Variants in BABAM2 observed in about 807,000 individuals in gnomAD.
BABAM2 encodes the protein BRISC and BRCA1-A complex member 2.
A neutral mutation model predicts 54.7 loss-of-function variants in BABAM2; 31 were observed. That is an observed-to-expected ratio of 0.57 (90% CI 0.43 to 0.77). BABAM2 has a LOEUF of 0.77. Among genes scored for constraint, BABAM2 ranks in the 30% least tolerant of loss-of-function variants. The probability of loss-of-function intolerance (pLI) is 0.00; values close to 1 mark genes in which losing one functional copy is unlikely to be tolerated. For synonymous variants in BABAM2, 167 were observed against 162.9 expected, an observed-to-expected ratio of 1.03 and a Z score of -0.19; for missense variants, 364 against 455.8, an observed-to-expected ratio of 0.80 and a Z score of 1.83.
chr2:28,264,059 T>C (rs1336089195), intron 10 of BABAM2, among the ~76,000 whole-genome samples: 1 of 152,244 alleles, frequency 6.6e-6, no homozygotes, highest in East Asian at 1.9e-4. Flanking sequence ...ATTTTTGCTC[T>C]AAACCATTGT....
At chr2:27,961,170 GTGAGACAAAGGCTCAGTTTCAGCTT>G (rs142006099) in intron 3 of BABAM2, among the ~76,000 whole-genome samples, 2 of 152,262 alleles carry the variant, frequency 1.3e-5, no homozygotes, top group Non-Finnish European at 2.9e-5. Flanking sequence ...TCAGGCTTAT[GTGAGACAAAGGCTCAGTTTCAGCTT>G]TGAGATGTAG....
chr2:27,974,855 C>A (rs1174641918), intron 3 of BABAM2, among the ~76,000 whole-genome samples: 5 of 152,020 alleles, frequency 3.3e-5, no homozygotes, highest in East Asian at 3.9e-4. Context: ...AACGCATATT[C>A]AAAAAATCCT....
chr2:28,228,742 T>A (rs1340420863), intron 7 of BABAM2, among the ~76,000 whole-genome samples: 1 of 152,180 alleles, frequency 6.6e-6, no homozygotes, highest in Admixed American at 6.5e-5. Context: ...CAACTCTTAG[T>A]AGAACAACAT....
Position 27,963,469 on chromosome 2 carries a change from C to CAAAAAAAAAAAAAA in BABAM2, c.206-24513_206-24500dup, listed in dbSNP as rs760525051. Among the ~76,000 whole-genome samples, 456 of 53,418 alleles carry CAAAAAAAAAAAAAA rather than the reference C, an allele frequency of 8.5e-3. 1 individual carries two copies. The highest frequency in any genetic ancestry group is 0.016 in the East Asian group (26 of 1,670). The allele number at this position is 53,418 out of a possible 152,430, so 35.0% of individuals were successfully genotyped here. ...TGGGTGACAGAGAAAGACTCTTTCT[C>CAAAAAAAAAAAAAA]AAAAAAAAAAAAAAAAAAAAAAAAG... On this transcript the variant is annotated intron_variant, in intron 3 of 11. Transcript: ENST00000379624.
intron 10 of BABAM2, among the ~76,000 whole-genome samples, chr2:28,282,980 A>G (rs1023127150): frequency 2.9e-5 from 4 of 136,500 alleles, no homozygotes; most frequent in Non-Finnish European, 1.5e-5. Flanking sequence ...CCCAGGCAGC[A>G]GAGCGAGACT....
chr2:28,112,147 T>TTCTTTCTTTCCTTCCTTCCTTCCC (rs1558346715), intron 6 of BABAM2, among the ~76,000 whole-genome samples: 1 of 5,240 alleles, frequency 1.9e-4, no homozygotes, highest in Non-Finnish European at 3.2e-4. Flanking sequence ...CTTTCTTTCT[T>TTCTTTCTTTCCTTCCTTCCTTCCC]TACCTCCCTC....
chr2:28,237,901 G>A (rs1361204784), intron 8 of BABAM2, among the ~76,000 whole-genome samples: 1 of 151,990 alleles, frequency 6.6e-6, no homozygotes, highest in African/African-American at 2.4e-5. Context: ...CGCCTGGGCT[G>A]GAATGTAGTG....
At chr2:28,161,870 TTTAA>T (rs1163619985) in intron 7 of BABAM2, among the ~76,000 whole-genome samples, 3 of 152,066 alleles carry the variant, frequency 2.0e-5, no homozygotes, top group African/African-American at 7.2e-5. Context: ...GGCAGAGATC[TTTAA>T]TTATTTTATT....
intron 6 of BABAM2, among the ~76,000 whole-genome samples, chr2:28,100,711 T>G (rs1264313943): frequency 1.3e-5 from 2 of 152,162 alleles, no homozygotes; most frequent in African/African-American, 4.8e-5. Context: ...TTGCTACTTG[T>G]TGAGATTTTG....
At position 28,192,184 on chromosome 2, in the gene BABAM2, G is replaced by A. The variant is rs192759178; in HGVS notation, c.681-45018G>A. Among the ~76,000 whole-genome samples, 80 of 152,104 alleles carry A rather than the reference G, an allele frequency of 5.3e-4. 3 individuals carry two copies. The highest frequency in any genetic ancestry group is 1.8e-3 in the African/African-American group (74 of 41,502). ...CGAGTAGCTGGGACCACAGGCGCCC[G>A]CCACCACGCCCAGCTAATTTTTTGT... On this transcript the variant is annotated intron_variant, in intron 7 of 11. Coordinates refer to ENST00000379624, the MANE Select transcript of BABAM2 (RefSeq NM_199191.3).
chr2:28,191,590 C>A (rs1446866466), intron 7 of BABAM2, among the ~76,000 whole-genome samples: 2 of 152,138 alleles, frequency 1.3e-5, no homozygotes, highest in African/African-American at 4.8e-5. Context: ...GTACGCACAA[C>A]AAAATGGATG....
At chr2:28,136,067 C>T (rs796644338) in intron 7 of BABAM2, among the ~76,000 whole-genome samples, 10 of 152,336 alleles carry the variant, frequency 6.6e-5, no homozygotes, top group African/African-American at 2.4e-4. Context: ...CTAGGCTGGA[C>T]TCTACGTGTA....
At chr2:28,041,814 A>T (rs1455998330) in intron 5 of BABAM2, among the ~76,000 whole-genome samples, 1 of 152,154 alleles carries the variant, frequency 6.6e-6, no homozygotes, top group African/African-American at 2.4e-5. Context: ...GCAAACGAGG[A>T]TTAGAATCCA....
intron 4 of BABAM2, among the ~76,000 whole-genome samples, chr2:28,009,869 A>G (rs1402454391): frequency 6.6e-6 from 1 of 152,186 alleles, no homozygotes; most frequent in African/African-American, 2.4e-5. Flanking sequence ...CCAGAGGCAC[A>G]CATTTCCAGT....
chr2:28,277,095 C>T (rs556976336), intron 10 of BABAM2, among the ~76,000 whole-genome samples: 16 of 152,190 alleles, frequency 1.1e-4, no homozygotes, highest in Admixed American at 3.3e-4. Context: ...AGCCTCAGAA[C>T]GTAACCTGTC....
chr2:28,008,545 G>A (rs937214778), intron 4 of BABAM2, among the ~76,000 whole-genome samples: 1 of 152,162 alleles, frequency 6.6e-6, no homozygotes. Context: ...GTCAAAGAAA[G>A]CATGTCTGCA....
chr2:28,298,516 A>G, intron 11 of BABAM2, 25 bp downstream of exon 11: 4 of 1,613,936 alleles, frequency 2.5e-6, no homozygotes, highest in South Asian at 2.2e-5. Flanking sequence ...CGTTATTTCC[A>G]ACAGGTAAGA....
chr2:27,939,022 G>A (rs761414361), intron 3 of BABAM2, among the ~76,000 whole-genome samples: 13 of 151,902 alleles, frequency 8.6e-5, no homozygotes, highest in Non-Finnish European at 1.5e-4. Flanking sequence ...TAGCAATCTC[G>A]GCTCACTTCA....
chr2:27,948,035 T>A (rs1669427043), intron 3 of BABAM2, among the ~76,000 whole-genome samples: 1 of 152,108 alleles, frequency 6.6e-6, no homozygotes, highest in Admixed American at 6.5e-5. Flanking sequence ...ATCCTCCAAT[T>A]TTTATTCCTT....
Sources: allele counts gnomAD v4.1 joint callset (sites outside exome capture counted in the v4.1 genomes callset), GRCh38; gene constraint gnomAD v4.1.1; transcripts MANE v1.5; gene names NCBI Gene and HGNC (gene_info 2026-07-23, HGNC 2026-07-21).